Variants in GPA33 observed in about 807,000 individuals in gnomAD.
GPA33 encodes glycoprotein A33.
GPA33 carries 27 observed loss-of-function variants against 35.6 expected under a neutral mutation model. The ratio of observed to expected loss-of-function variants is 0.76; its 90% CI spans 0.56 to 1.04. GPA33 has a LOEUF of 1.04. Ranked by LOEUF, GPA33 falls within the 50% of genes least tolerant of loss-of-function variation. The pLI, the probability that GPA33 is intolerant of heterozygous loss-of-function variation, is 0.00. For synonymous variants in GPA33, 176 were observed against 164.0 expected, an observed-to-expected ratio of 1.07 and a Z score of -0.56; for missense variants, 428 against 411.9, an observed-to-expected ratio of 1.04 and a Z score of -0.34.
At chr1:167,089,978 A>G (rs1315048861) in intron 1 of GPA33, among the ~76,000 whole-genome samples, 2 of 152,134 alleles carry the variant, frequency 1.3e-5, no homozygotes, top group Non-Finnish European at 2.9e-5. Context: ...TGATCCTATA[A>G]TCTAATTTGG....
Position 167,055,828 on chromosome 1 carries a change from A to G in GPA33, c.593T>C (p.Leu198Pro). 6.2e-7 allele frequency: 1 copy of G among 1,614,034 alleles called. No individual in the cohort carries two copies. The highest frequency in any genetic ancestry group is 8.5e-7 in the Non-Finnish European group (1 of 1,179,930). ...CGATGTGTCTGTGGAGATATTCTTC[A>G]GGGAGACAGGCTGACCTGAGGCTGC... ...AQPASGQPVS[L>P]KNISTDTSGY... is the part of the protein sequence containing the mutation. The change falls in exon 5 of 7, where the codon CTG becomes CCG. Residue 198 changes from leucine (L) to proline (P), a missense_variant. Physicochemically the swap from Leu to Pro is moderately conservative, Grantham distance 98. Transcript: ENST00000367868.
chr1:167,085,593 G>A (rs1558012314), intron 1 of GPA33, among the ~76,000 whole-genome samples: 1 of 152,104 alleles, frequency 6.6e-6, no homozygotes, highest in Non-Finnish European at 1.5e-5. Context: ...CATCCCCTGG[G>A]AGCTCATTAG....
At chr1:167,083,987 T>G (rs1667004527) in intron 1 of GPA33, among the ~76,000 whole-genome samples, 1 of 152,092 alleles carries the variant, frequency 6.6e-6, no homozygotes, top group Admixed American at 6.5e-5. Context: ...TATCCACCCT[T>G]TCAGCCAGAT....
rs1436752587 is a variant in GPA33, at chr1:167,073,413, T to C, written c.170A>G (p.Gln57Arg). Residue 57 changes from glutamine to arginine, a missense_variant, in exon 2 of 7, where the codon CAA (glutamine) becomes CGA (arginine). Physicochemically the swap from Gln to Arg is conservative, Grantham distance 43 (BLOSUM62 1). Transcript: ENST00000367868. ...TSTSSREGLI[Q>R]WDKLLLTHTE... ...ATGAGTGAGGAGGAGCTTATCCCAT[T>C]GAATAAGTCCCTCTCGACTGGAGGT... 6.2e-7 allele frequency: 1 copy of C among 1,613,728 alleles called. No homozygotes were observed. The highest frequency in any genetic ancestry group is 1.3e-5 in the African/African-American group (1 of 74,894).
intron 4 of GPA33, chr1:167,058,239 G>A (rs1199732489): frequency 6.6e-6 from 1 of 152,064 alleles, no homozygotes; most frequent in Non-Finnish European, 1.5e-5. Flanking sequence ...TATGATAAAA[G>A]CAATGTATGC....
At chr1:167,056,694 G>GTA (rs1666283230) in intron 4 of GPA33, among the ~76,000 whole-genome samples, 1 of 78,172 alleles carries the variant, frequency 1.3e-5, no homozygotes, top group African/African-American at 4.2e-5. Flanking sequence ...TGTGTGGTGG[G>GTA]TGTGTGGTGT....
chr1:167,063,638 T>A lies in GPA33; in HGVS notation c.515A>T (p.Gln172Leu). The A allele has an allele frequency of 6.2e-7, 1 of 1,613,814 alleles. No individual in the cohort carries two copies. The highest frequency in any genetic ancestry group is 8.5e-7 in the Non-Finnish European group (1 of 1,179,992). The stretch of plus-strand genomic sequence containing the variant: ...GATGTTGTACCTCTTCCAGCTGTAC[T>A]GAGGGGTTGGTGAGCCCTCCTTTGA... Reference protein sequence around the residue: ...CQSKEGSPTPQYSWKRYNILN... With the variant: ...CQSKEGSPTPLYSWKRYNILN... Residue 172 changes from glutamine to leucine, a missense_variant, in exon 4 of 7, where the codon CAG becomes CTG. Coordinates refer to ENST00000367868, the MANE Select transcript of GPA33 (RefSeq NM_005814.3).
rs376733018 is a variant in GPA33 at position 167,053,977 on chromosome 1, G to A, written c.*357C>T. ...GCCCCCACCCCCCAAGGCTGGCATC[G>A]CCTCCCTGGAGAGTTCTGAGTGGGA... On this transcript the variant is annotated 3_prime_UTR_variant, in exon 7 of 7. Coordinates refer to ENST00000367868, the MANE Select transcript of GPA33 (RefSeq NM_005814.3). 50 of 252,374 alleles carry A rather than the reference G, an allele frequency of 2.0e-4. No homozygotes were observed. Among genetic ancestry groups the A allele is most frequent in the Middle Eastern group, 1.4e-3 (1 of 712 alleles). 15.6% of individuals were successfully genotyped at this position (252,374 alleles called of 1,614,324 possible). A position where few individuals can be genotyped will look rare whatever the true frequency, so the allele number is the denominator to read the frequency against.
chr1:167,081,452 C>G (rs1666946815), intron 1 of GPA33, among the ~76,000 whole-genome samples: 1 of 152,144 alleles, frequency 6.6e-6, no homozygotes, highest in South Asian at 2.1e-4. Flanking sequence ...CAGGGAGGCT[C>G]TCAAACTGGC....
At chr1:167,059,173 G>A (rs1336179255) in intron 4 of GPA33, among the ~76,000 whole-genome samples, 2 of 152,142 alleles carry the variant, frequency 1.3e-5, no homozygotes, top group Admixed American at 6.5e-5. Context: ...GATGCAAACC[G>A]TGTGCACTGG....
chr1:167,073,756 C>T (rs1007804397), intron 1 of GPA33, among the ~76,000 whole-genome samples: 2 of 152,150 alleles, frequency 1.3e-5, no homozygotes, highest in Non-Finnish European at 2.9e-5. Flanking sequence ...GACTCCACCC[C>T]ACAGCATGAT....
At chr1:167,086,133 C>T (rs887825199) in intron 1 of GPA33, among the ~76,000 whole-genome samples, 2 of 152,204 alleles carry the variant, frequency 1.3e-5, no homozygotes, top group Admixed American at 1.3e-4. Context: ...ATCCTGATTG[C>T]GTCTCTGACA....
chr1:167,054,639 G>C (rs1448148184), intron 6 of GPA33, among the ~76,000 whole-genome samples, 173 bp from the exon 7 acceptor site: 1 of 152,122 alleles, frequency 6.6e-6, no homozygotes, highest in Non-Finnish European at 1.5e-5. Flanking sequence ...CCACAGACTT[G>C]TTCCACGCAT....
chr1:167,074,327 C>A (rs911197098), intron 1 of GPA33, among the ~76,000 whole-genome samples: 1 of 151,940 alleles, frequency 6.6e-6, no homozygotes, highest in Non-Finnish European at 1.5e-5. Flanking sequence ...TTGCGATGCT[C>A]ACCCTGGAAA....
Position 167,066,306 on chromosome 1 carries a change from C to T in GPA33, c.416-2569G>A, listed in dbSNP as rs1305037041. Among the ~76,000 whole-genome samples the T allele has an allele frequency of 2.0e-5, 3 of 152,156 alleles. No homozygotes were observed. In the South Asian group the frequency reaches 6.2e-4, roughly 32 times the overall value. On this transcript the variant is annotated intron_variant, in intron 3 of 6. Transcript: ENST00000367868. ...CATCTACAGAGCACTCAAAGGCATC[C>T]GAATGCATCCAAAAACTGTTATAGC... is the stretch of plus-strand genomic sequence containing the variant.
At chr1:167,070,206 G>A (rs931220155) in intron 2 of GPA33, among the ~76,000 whole-genome samples, 8 of 152,206 alleles carry the variant, frequency 5.3e-5, no homozygotes, top group Non-Finnish European at 1.0e-4. Context: ...AGAATTAGAT[G>A]TGGGAAGCAA....
intron 1 of GPA33, among the ~76,000 whole-genome samples, chr1:167,076,321 C>A (rs1215100458): frequency 2.0e-5 from 3 of 151,962 alleles, no homozygotes; most frequent in Non-Finnish European, 2.9e-5. Context: ...GGCTGTCTAC[C>A]CACTGTAACA....
In GPA33 at chr1:167,065,062, A is replaced by G. The variant is rs181723309; in HGVS notation, c.416-1325T>C. 6.6e-5 allele frequency among the ~76,000 whole-genome samples: 10 copies of G among 152,288 alleles called. No homozygotes were observed. The East Asian group carries it at 1.9e-3, about 29-fold the overall frequency. Reference sequence around the variant, plus strand: ...TTTCACTCAGCATTGTCAAGATACCATTGTGGAGCTGGGTTCATTCTACAA... The same window carrying G: ...TTTCACTCAGCATTGTCAAGATACCGTTGTGGAGCTGGGTTCATTCTACAA... On this transcript the variant is annotated intron_variant, in intron 3 of 6. Transcript: ENST00000367868.
intron 1 of GPA33, among the ~76,000 whole-genome samples, chr1:167,074,800 C>T (rs965397700): frequency 3.3e-5 from 5 of 151,178 alleles, no homozygotes; most frequent in Admixed American, 3.3e-4. Flanking sequence ...GGGGTGGTCT[C>T]AGATTGCATA....
Sources: gnomAD v4.1 joint callset for allele counts (sites outside exome capture counted in the v4.1 genomes callset) on GRCh38, gnomAD v4.1.1 for gene constraint, MANE v1.5 for transcripts, NCBI Gene and HGNC (gene_info 2026-07-23, HGNC 2026-07-21) for gene names.